The following UBE2G1 variants were observed in gnomAD, a reference collection of about 807,000 sequenced individuals.
UBE2G1 encodes the protein ubiquitin conjugating enzyme E2 G1, also known as ubiquitin-conjugating enzyme E2 G1.
In UBE2G1, 5 loss-of-function variants were observed where a neutral mutation model predicts 22.7. That is an observed-to-expected ratio of 0.22 (90% CI 0.12 to 0.46). The LOEUF (loss-of-function observed/expected upper bound fraction) is 0.46, where lower values mean the gene tolerates loss of function less well. UBE2G1 is among the 20% of genes least tolerant of loss of function. The pLI is 0.99. For missense variants in UBE2G1, 88 were observed against 203.9 expected (o/e 0.43, Z 3.46); for synonymous variants, 74 against 67.5 (o/e 1.10, Z -0.47).
At chr17:4,329,544 ACT>A (rs952004727) in intron 1 of UBE2G1, among the ~76,000 whole-genome samples, 7 of 150,728 alleles carry the variant, frequency 4.6e-5, no homozygotes, top group African/African-American at 1.2e-4. Flanking sequence ...GGTGAATGAG[ACT>A]CTGTCTCAAA....
intron 1 of UBE2G1, among the ~76,000 whole-genome samples, chr17:4,336,087 A>G (rs969394810): frequency 5.9e-5 from 9 of 152,166 alleles, no homozygotes; most frequent in Admixed American, 5.9e-4. Flanking sequence ...TGGAGGTTGC[A>G]GTGAGCCCGA....
At position 4,291,962 on chromosome 17, in the gene UBE2G1, C is replaced by G. The variant is rs368290837; in HGVS notation, c.248-2554G>C. On this transcript the variant is annotated intron_variant, in intron 3 of 5. Transcript: ENST00000396981. ...TCTTGCCACGGTGTTTCTTAGTTTT[C>G]CCCATATAATTTTTGCTTGTTACTT... is the stretch of plus-strand genomic sequence containing the variant. Among the ~76,000 whole-genome samples the G allele has an allele frequency of 1.2e-4, 18 of 152,196 alleles. No homozygotes were observed. The East Asian group carries it at 1.5e-3, about 13-fold the overall frequency.
chr17:4,276,018 C>A (rs1013827130), intron 5 of UBE2G1, among the ~76,000 whole-genome samples: 1 of 152,160 alleles, frequency 6.6e-6, no homozygotes, highest in Non-Finnish European at 1.5e-5. Context: ...TCCTTCTGTA[C>A]CCTAATTGTG....
intron 1 of UBE2G1, among the ~76,000 whole-genome samples, chr17:4,311,493 T>C (rs953202112): frequency 6.6e-6 from 1 of 152,184 alleles, no homozygotes; most frequent in Non-Finnish European, 1.5e-5. Context: ...AGTACTAATA[T>C]ATGAAGCTCA....
intron 3 of UBE2G1, among the ~76,000 whole-genome samples, chr17:4,290,748 T>C (rs1281672041): frequency 1.3e-5 from 2 of 148,944 alleles, no homozygotes; most frequent in Non-Finnish European, 3.0e-5. Context: ...CCCAAGTAGT[T>C]GGGACCATAG....
At chr17:4,294,839 G>A (rs1348534968) in intron 3 of UBE2G1, among the ~76,000 whole-genome samples, 1 of 152,142 alleles carries the variant, frequency 6.6e-6, no homozygotes. Context: ...GGAGGTCAAG[G>A]CTGCAGTGAG....
At chr17:4,289,135 GCATACATT>G in intron 4 of UBE2G1, 87 bp downstream of exon 4, 2 of 1,014,112 alleles carry the variant, frequency 2.0e-6, no homozygotes, top group Non-Finnish European at 2.7e-6. Context: ...ACACACGCAT[GCATACATT>G]CATGCATACT....
intron 1 of UBE2G1, among the ~76,000 whole-genome samples, chr17:4,311,628 A>C (rs1969310846): frequency 6.6e-6 from 1 of 152,154 alleles, no homozygotes. Flanking sequence ...GAGGGAAGGG[A>C]GAAAGGGGGC....
chr17:4,278,244 T>C (rs530308258), intron 5 of UBE2G1, among the ~76,000 whole-genome samples: 16 of 152,298 alleles, frequency 1.1e-4, no homozygotes, highest in Admixed American at 3.3e-4. Flanking sequence ...TACAAAAAAA[T>C]TGTGTAATGG....
intron 1 of UBE2G1, among the ~76,000 whole-genome samples, chr17:4,347,684 C>A (rs1969795584): frequency 6.6e-6 from 1 of 151,994 alleles, no homozygotes; most frequent in Admixed American, 6.6e-5. Flanking sequence ...ACCACGTGGA[C>A]CAGGCTGGTC....
chr17:4,362,188 T>C (rs933547258), intron 1 of UBE2G1, among the ~76,000 whole-genome samples: 1 of 152,182 alleles, frequency 6.6e-6, no homozygotes, highest in Non-Finnish European at 1.5e-5. Context: ...CACCGCTCAA[T>C]TTGCAAAGGA....
At chr17:4,283,096 T>C (rs1968913834) in intron 4 of UBE2G1, among the ~76,000 whole-genome samples, 175 bp from the exon 5 acceptor site, 1 of 152,208 alleles carries the variant, frequency 6.6e-6, no homozygotes, top group Non-Finnish European at 1.5e-5. Flanking sequence ...TACCAGGATA[T>C]ACAGGCAGAA....
At position 4,366,366 on chromosome 17, in the gene UBE2G1, G is replaced by A. The variant is rs1421575534; in HGVS notation, c.-50C>T. On this transcript the variant is annotated 5_prime_UTR_variant, in exon 1 of 6. Coordinates refer to ENST00000396981, the MANE Select transcript of UBE2G1 (RefSeq NM_003342.5). ...GCGCCGGGGCTTCCGAAGGGCTGGG[G>A]ACAGGCTCTGGGGGCGGCTGGAGCG... is the stretch of plus-strand genomic sequence containing the variant. 1 of 1,483,638 alleles carries A rather than the reference G, an allele frequency of 6.7e-7. No individual in the cohort carries two copies. Among genetic ancestry groups the A allele is most frequent in the East Asian group, 2.7e-5 (1 of 36,492 alleles). The allele number at this position is 1,483,638 out of a possible 1,614,324, so 91.9% of individuals were successfully genotyped here.
chr17:4,338,956 G>C (rs539273658), intron 1 of UBE2G1, among the ~76,000 whole-genome samples: 1 of 152,150 alleles, frequency 6.6e-6, no homozygotes, highest in East Asian at 1.9e-4. Context: ...CTGCTCAGGG[G>C]AAATGTCTGG....
intron 5 of UBE2G1, among the ~76,000 whole-genome samples, chr17:4,281,025 C>T (rs993888068): frequency 1.3e-5 from 2 of 152,146 alleles, no homozygotes; most frequent in South Asian, 2.1e-4. Flanking sequence ...ATGAAATACG[C>T]GTACCCTTGA....
At chr17:4,276,869 T>C (rs1468186047) in intron 5 of UBE2G1, among the ~76,000 whole-genome samples, 2 of 152,138 alleles carry the variant, frequency 1.3e-5, no homozygotes, top group Non-Finnish European at 2.9e-5. Context: ...CAATACTATG[T>C]TAGAATGACC....
intron 1 of UBE2G1, among the ~76,000 whole-genome samples, chr17:4,353,336 T>G (rs1388880461): frequency 6.6e-6 from 1 of 151,950 alleles, no homozygotes; most frequent in African/African-American, 2.4e-5. Flanking sequence ...GAAAAATATG[T>G]AAGAAGGGGG....
At chr17:4,291,046 C>T (rs920538207) in intron 3 of UBE2G1, among the ~76,000 whole-genome samples, 1 of 152,116 alleles carries the variant, frequency 6.6e-6, no homozygotes, top group Non-Finnish European at 1.5e-5. Flanking sequence ...AATCTATTTA[C>T]TAAAATAGAA....
Position 4,296,836 on chromosome 17 carries a change from A to G in UBE2G1, c.150-22T>C, listed in dbSNP as rs763750350. 6.2e-6 allele frequency: 10 copies of G among 1,601,684 alleles called. No homozygotes were observed. In the East Asian group the frequency reaches 2.2e-4, roughly 36 times the overall value. On this transcript the variant is annotated intron_variant, in intron 2 of 5. Coordinates refer to ENST00000396981, the MANE Select transcript of UBE2G1 (RefSeq NM_003342.5). The stretch of plus-strand genomic sequence containing the variant: ...TTCACTGGAAAAAAGAACAAAAAGA[A>G]GTTCTTGCCTATAAGTTCCTGCTTT...
Sources: allele counts gnomAD v4.1 joint callset (sites outside exome capture counted in the v4.1 genomes callset), GRCh38; gene constraint gnomAD v4.1.1; transcripts MANE v1.5; gene names NCBI Gene and HGNC (gene_info 2026-07-23, HGNC 2026-07-21).